FAAH2: variants seen among roughly 807,000 people sequenced by gnomAD.
FAAH2 encodes fatty-acid amide hydrolase 2.
FAAH2 carries 60 observed loss-of-function variants against 36.9 expected under a neutral mutation model. The ratio of observed to expected loss-of-function variants is 1.63; its 90% CI spans 1.32 to 2.02. The LOEUF (loss-of-function observed/expected upper bound fraction) is 2.02, where lower values mean the gene tolerates loss of function less well. Among genes scored for constraint, FAAH2 ranks in the 30% most tolerant of loss-of-function variants. The pLI is 0.00. For missense variants in FAAH2, 689 were observed against 397.5 expected (o/e 1.73, Z -6.23); for synonymous variants, 214 against 143.8 (o/e 1.49, Z -3.49).
intron 10 of FAAH2, among the ~76,000 whole-genome samples, chrX:57,483,146 T>C (rs749125166): frequency 4.5e-5 from 5 of 111,713 alleles, no homozygotes; most frequent in East Asian, 2.8e-4. Flanking sequence ...GAAATGCCAA[T>C]ATGTTATAGG....
At chrX:57,350,189 G>A (rs1157602626) in intron 5 of FAAH2, among the ~76,000 whole-genome samples, 3 of 111,123 alleles carry the variant, frequency 2.7e-5, no homozygotes, top group Non-Finnish European at 5.7e-5. Flanking sequence ...TATAAATAAA[G>A]TCTTTCCCAT....
At chrX:57,234,253 G>A in the FAAH2 span, among the ~76,000 whole-genome samples, 2 of 111,264 alleles carry the variant, frequency 1.8e-5, no homozygotes, top group Admixed American at 9.6e-5. Flanking sequence ...ATGTCAAAAA[G>A]CAGCACACCA....
rs2052990577 is a variant in FAAH2 at position 57,320,550 on chromosome X, A to C, written c.412+9821A>C. Among the ~76,000 whole-genome samples the C allele has an allele frequency of 2.7e-5, 3 of 112,416 alleles. No individual in the cohort carries two copies. The East Asian group carries it at 8.3e-4, about 31-fold the overall frequency. On this transcript the variant is annotated intron_variant, in intron 3 of 10. Transcript: ENST00000374900. ...GCTGGAGAGGATGTGGAGAAATAAA[A>C]ATGCTTTTACATTGTTGGTGGGAGT...
chrX:57,483,902 C>T (rs5960277), intron 10 of FAAH2, among the ~76,000 whole-genome samples: 37,578 of 105,124 alleles, frequency 0.36, 6,200 homozygotes, highest in Middle Eastern at 0.6. Context: ...CGAGTTCAAG[C>T]GATTCTCCTG....
chrX:57,399,644 T>A (rs1292797637), intron 7 of FAAH2, among the ~76,000 whole-genome samples: 1 of 111,734 alleles, frequency 8.9e-6, no homozygotes, highest in Non-Finnish European at 1.9e-5. Context: ...ACCCCAGTAG[T>A]GTAAGATTGC....
At chrX:57,152,222 C>G in the FAAH2 span, among the ~76,000 whole-genome samples, 1 of 112,277 alleles carries the variant, frequency 8.9e-6, no homozygotes, top group East Asian at 2.8e-4. Flanking sequence ...GGTTAGGGTC[C>G]CACTTGAGCA....
At chrX:57,158,678 C>T in the FAAH2 span, among the ~76,000 whole-genome samples, 1 of 111,863 alleles carries the variant, frequency 8.9e-6, no homozygotes, top group Admixed American at 9.4e-5. Context: ...ATCCTTTGCC[C>T]ACTTTTTGAT....
At chrX:57,179,170 C>G in the FAAH2 span, among the ~76,000 whole-genome samples, 1 of 111,609 alleles carries the variant, frequency 9.0e-6, no homozygotes, top group Non-Finnish European at 1.9e-5. Flanking sequence ...TACAAAAGCA[C>G]CCTTGAGTAC....
At chrX:57,486,969 C>G (rs992993373) in intron 10 of FAAH2, among the ~76,000 whole-genome samples, 1 of 111,590 alleles carries the variant, frequency 9.0e-6, no homozygotes, top group African/African-American at 3.3e-5. Context: ...GCTGACATCA[C>G]TCTCTTTACT....
At position 57,448,507 on chromosome X, in the gene FAAH2, A is replaced by G. The variant is rs745665745; in HGVS notation, c.1229-17A>G. ...GAAGTTTATTACCTTAACTTGATAT[A>G]TGATATCATTCTGTAGGACTGGCTT... On this transcript the variant is annotated splice_polypyrimidine_tract_variant and intron_variant, in intron 9 of 10. Transcript: ENST00000374900. 5.9e-6 allele frequency: 7 copies of G among 1,190,336 alleles called. No individual in the cohort carries two copies. The highest frequency in any genetic ancestry group is 6.8e-6 in the Non-Finnish European group (6 of 881,784).
At chrX:57,466,154 C>CTA (rs1371319859) in intron 10 of FAAH2, among the ~76,000 whole-genome samples, 372 of 66,868 alleles carry the variant, frequency 5.6e-3, no homozygotes, top group African/African-American at 0.021. Flanking sequence ...CTCTCTCTCT[C>CTA]TCTATATATA....
At chrX:57,212,856 T>G in the FAAH2 span, among the ~76,000 whole-genome samples, 1 of 112,085 alleles carries the variant, frequency 8.9e-6, no homozygotes, top group Admixed American at 9.5e-5. Flanking sequence ...TGAGTTAGTA[T>G]TTTCACCTTT....
At chrX:57,245,491 TC>T in the FAAH2 span, among the ~76,000 whole-genome samples, 3 of 111,611 alleles carry the variant, frequency 2.7e-5, no homozygotes, top group Non-Finnish European at 3.8e-5. Flanking sequence ...AAAACACTCC[TC>T]AGGAAATGCA....
intron 2 of FAAH2, among the ~76,000 whole-genome samples, chrX:57,305,502 C>T (rs2052495843): frequency 9.0e-6 from 1 of 111,678 alleles, no homozygotes; most frequent in Admixed American, 9.6e-5. Flanking sequence ...TCACCATCAT[C>T]TTTGCCTACT....
chrX:57,307,462 T>G (rs1377752867), intron 2 of FAAH2, among the ~76,000 whole-genome samples: 2 of 111,334 alleles, frequency 1.8e-5, no homozygotes, highest in Non-Finnish European at 3.8e-5. Flanking sequence ...CTCTCTAGAT[T>G]AATATTGTTC....
chrX:57,172,238 T>C, the FAAH2 span, among the ~76,000 whole-genome samples: 1 of 111,846 alleles, frequency 8.9e-6, no homozygotes, highest in Admixed American at 9.5e-5. Context: ...TTTTGGGTTG[T>C]TTTTTGGTTT....
chrX:57,476,811 G>A (rs1468485759), intron 10 of FAAH2, among the ~76,000 whole-genome samples: 1 of 109,867 alleles, frequency 9.1e-6, no homozygotes, highest in Non-Finnish European at 1.9e-5. Context: ...GAATCTGTCT[G>A]GTCCTGGGCT....
At chrX:57,384,761 G>T (rs751268725) in intron 7 of FAAH2, among the ~76,000 whole-genome samples, 1 of 111,886 alleles carries the variant, frequency 8.9e-6, no homozygotes, top group South Asian at 3.8e-4. Flanking sequence ...GTGGAAGTTA[G>T]TGTGGGGATT....
chrX:57,388,130 T>C (rs2055071843), intron 7 of FAAH2, among the ~76,000 whole-genome samples: 1 of 111,652 alleles, frequency 9.0e-6, no homozygotes, highest in Admixed American at 9.5e-5. Context: ...AGAATAAAAA[T>C]ATTAAGGATT....
Sources: allele counts gnomAD v4.1 joint callset (sites outside exome capture counted in the v4.1 genomes callset), GRCh38; gene constraint gnomAD v4.1.1; transcripts MANE v1.5; gene names NCBI Gene and HGNC (gene_info 2026-07-23, HGNC 2026-07-21).